Variants in ABCB1 observed in about 807,000 individuals in gnomAD.
ABCB1 encodes the protein ATP binding cassette subfamily B member 1.
Under a neutral mutation model 142.0 loss-of-function variants are expected in ABCB1, and 69 were observed. The ratio of observed to expected loss-of-function variants is 0.49; its 90% confidence interval spans 0.40 to 0.59. The LOEUF (loss-of-function observed/expected upper bound fraction) is 0.59, where lower values mean the gene tolerates loss of function less well. ABCB1 is among the 20% of genes least tolerant of loss of function. ABCB1 has a pLI of 0.00. For missense variants in ABCB1, 1,326 were observed against 1,554.7 expected, an observed-to-expected ratio of 0.85 and a Z score of 2.47; for synonymous variants, 532 against 539.2, an observed-to-expected ratio of 0.99 and a Z score of 0.18.
At chr7:87,615,911 G>A (rs765634584) in intron 1 of ABCB1, among the ~76,000 whole-genome samples, 52 of 152,114 alleles carry the variant, frequency 3.4e-4, no homozygotes, top group Non-Finnish European at 6.3e-4. Context: ...ATTTTTTCCT[G>A]ATGGGGATGG....
At chr7:87,686,959 A>G (rs1241016025) in intron 1 of ABCB1, among the ~76,000 whole-genome samples, 1 of 151,892 alleles carries the variant, frequency 6.6e-6, no homozygotes, top group African/African-American at 2.4e-5. Flanking sequence ...AAGAAAAAAA[A>G]AAAAAAGAAA....
At chr7:87,703,915 T>TTTTTG (rs1829350464) in intron 1 of ABCB1, among the ~76,000 whole-genome samples, 1 of 18,530 alleles carries the variant, frequency 5.4e-5, no homozygotes, top group African/African-American at 2.1e-4. Flanking sequence ...TTTTTTTTGG[T>TTTTTG]TTTTTTTTTT....
At chr7:87,656,731 T>G (rs1824142018) in intron 1 of ABCB1, among the ~76,000 whole-genome samples, 1 of 152,220 alleles carries the variant, frequency 6.6e-6, no homozygotes, top group Non-Finnish European at 1.5e-5. Flanking sequence ...AATCAATTGA[T>G]TTGTTTTTTA....
At position 87,626,091 on chromosome 7, in the gene ABCB1, T is replaced by TCATATATATATCTC. The variant is rs368542374; in HGVS notation, c.-330-25014_-330-25013insGAGATATATATATG. ...CCAGGCTGAGACATATATATATATA[T>TCATATATATATCTC]ATATATATTGTCATATATATGTGTC... On this transcript the variant is annotated intron_variant, in intron 1 of 28. Transcript: ENST00000265724. Among the ~76,000 whole-genome samples, 26 of 95,794 alleles carry TCATATATATATCTC rather than the reference T, an allele frequency of 2.7e-4. 1 individual carries two copies. Among genetic ancestry groups the TCATATATATATCTC allele is most frequent in the Non-Finnish European group, 3.6e-4 (19 of 53,454 alleles). The allele number at this position is 95,794 out of a possible 152,430, so 62.8% of individuals were successfully genotyped here.
chr7:87,561,209 C>T, intron 8 of ABCB1, 54 bp downstream of exon 8: 1 of 1,601,742 alleles, frequency 6.2e-7, no homozygotes, highest in East Asian at 2.2e-5. Context: ...ATCTGAAGGG[C>T]ATTTGAGAAG....
chr7:87,680,079 A>G (rs1826776986), intron 1 of ABCB1, among the ~76,000 whole-genome samples: 1 of 150,166 alleles, frequency 6.7e-6, no homozygotes, highest in Non-Finnish European at 1.5e-5. Flanking sequence ...CCCTGTGTCC[A>G]TGTGTTCTCG....
At chr7:87,707,431 TG>T (rs1304054889) in intron 1 of ABCB1, among the ~76,000 whole-genome samples, 1 of 152,176 alleles carries the variant, frequency 6.6e-6, no homozygotes, top group Non-Finnish European at 1.5e-5. Flanking sequence ...CCCAGCACTT[TG>T]GGAGACCAAG....
intron 21 of ABCB1, among the ~76,000 whole-genome samples, chr7:87,523,736 T>C (rs184683839): frequency 2.6e-5 from 4 of 152,252 alleles, no homozygotes; most frequent in African/African-American, 9.6e-5. Flanking sequence ...TAAAGGGATA[T>C]GGAAAAAGCA....
chr7:87,506,631 A>C (rs1814763468), intron 26 of ABCB1, among the ~76,000 whole-genome samples: 1 of 152,196 alleles, frequency 6.6e-6, no homozygotes, highest in Non-Finnish European at 1.5e-5. Context: ...GAGTGCTCCC[A>C]AAATTCTTCC....
chr7:87,646,177 C>T (rs534363633), intron 1 of ABCB1, among the ~76,000 whole-genome samples: 7 of 152,254 alleles, frequency 4.6e-5, no homozygotes, highest in Admixed American at 2.0e-4. Context: ...TCTGTAGGAA[C>T]GTAACCTATG....
intron 1 of ABCB1, among the ~76,000 whole-genome samples, chr7:87,703,303 G>C (rs893916132): frequency 6.6e-6 from 1 of 151,388 alleles, no homozygotes; most frequent in African/African-American, 2.4e-5. Context: ...ATGAAGATAT[G>C]TTCAAATTAA....
intron 4 of ABCB1, among the ~76,000 whole-genome samples, chr7:87,579,316 G>T (rs1254924671): frequency 6.6e-6 from 1 of 152,118 alleles, no homozygotes; most frequent in East Asian, 1.9e-4. Context: ...TGAAGGAAAG[G>T]CTTTCAGTTT....
intron 1 of ABCB1, among the ~76,000 whole-genome samples, chr7:87,613,204 T>A (rs1466844217): frequency 1.3e-5 from 2 of 150,358 alleles, no homozygotes; most frequent in African/African-American, 2.4e-5. Context: ...TAAGACCATA[T>A]CATTGATGAG....
In ABCB1 at chr7:87,539,130, C is replaced by A. The variant is rs544100830; in HGVS notation, c.2397+138G>T. 3 of 918,042 alleles carry A rather than the reference C, an allele frequency of 3.3e-6. No homozygotes were observed. In the South Asian group the frequency reaches 4.2e-5, roughly 13 times the overall value. The allele number at this position is 918,042 out of a possible 1,614,324, so 56.9% of individuals were successfully genotyped here. ...CTGTGCCTAGTGGGCGGTTCAACCG[C>A]ATCTCTGACGTGAGACTGAGGGACA... On this transcript the variant is annotated intron_variant, in intron 19 of 27. Transcript: ENST00000622132.
intron 2 of ABCB1, among the ~76,000 whole-genome samples, chr7:87,598,903 A>C (rs893894756): frequency 5.9e-5 from 9 of 152,206 alleles, no homozygotes; most frequent in Admixed American, 5.9e-4. Flanking sequence ...GACCTGGCTG[A>C]AATTAGCTAC....
rs201530445 is a variant in ABCB1 at position 87,505,970 on chromosome 7, C to T, written c.3563G>A (p.Arg1188His). Residue 1188 changes from arginine (R) to histidine (H), a missense_variant, in exon 27 of 28, where the codon CGT becomes CAT. Transcript: ENST00000622132. Reference protein sequence around the residue: ...GGQKQRIAIARALVRQPHILL... With the variant: ...GGQKQRIAIAHALVRQPHILL... ...AATATGAGGCTGTCTAACAAGGGCACGAGCTATGGCAATGCGTTGTTTCTG... is the reference window on the plus strand; with the variant it reads ...AATATGAGGCTGTCTAACAAGGGCATGAGCTATGGCAATGCGTTGTTTCTG... The T allele has an allele frequency of 7.4e-6, 12 of 1,614,072 alleles. No individual in the cohort carries two copies. Among genetic ancestry groups the T allele is most frequent in the African/African-American group, 1.3e-5 (1 of 75,048 alleles).
intron 1 of ABCB1, among the ~76,000 whole-genome samples, chr7:87,704,290 G>C (rs1439384045): frequency 1.3e-5 from 2 of 152,006 alleles, no homozygotes; most frequent in Non-Finnish European, 1.5e-5. Flanking sequence ...TAAGGTTTAG[G>C]CTAAGGTTAA....
chr7:87,643,239 T>C (rs983227140), intron 1 of ABCB1, among the ~76,000 whole-genome samples: 1 of 152,078 alleles, frequency 6.6e-6, no homozygotes, highest in Admixed American at 6.5e-5. Context: ...AGTTGATTTT[T>C]ACATTGCGTA....
chr7:87,512,240 G>T (rs1815048253), intron 25 of ABCB1, among the ~76,000 whole-genome samples: 1 of 150,392 alleles, frequency 6.6e-6, no homozygotes, highest in Non-Finnish European at 1.5e-5. Flanking sequence ...TAACCTTCAG[G>T]TCCCTCAAAA....
Sources: allele counts gnomAD v4.1 joint callset (sites outside exome capture counted in the v4.1 genomes callset), GRCh38; gene constraint gnomAD v4.1.1; transcripts MANE v1.5; gene names NCBI Gene and HGNC (gene_info 2026-07-23, HGNC 2026-07-21).